SYNE1: variants seen among roughly 807,000 people sequenced by gnomAD.
SYNE1 encodes spectrin repeat containing nuclear envelope protein 1, also known as nesprin-1.
A neutral mutation model predicts 1,111.0 loss-of-function variants in SYNE1; 616 were observed. The ratio of observed to expected loss-of-function variants is 0.55; its 90% CI spans 0.52 to 0.59. The LOEUF (loss-of-function observed/expected upper bound fraction) is 0.59. SYNE1 is among the 20% of genes least tolerant of loss of function. The pLI is 0.00. For missense variants in SYNE1, 10,006 were observed against 10,417.0 expected (o/e 0.96, Z 1.72); for synonymous variants, 3,855 against 3,825.8 (o/e 1.01, Z -0.28).
intron 92 of SYNE1, 111 bp downstream of exon 92, chr6:152,301,758 A>G (rs2095178829): frequency 8.3e-7 from 1 of 1,204,062 alleles, no homozygotes; most frequent in Middle Eastern, 2.8e-4. Flanking sequence ...CTCCCTCTGA[A>G]TCTGCAAGAT....
At chr6:152,415,108 T>C (rs1465877422) in intron 41 of SYNE1, among the ~76,000 whole-genome samples, 2 of 152,168 alleles carry the variant, frequency 1.3e-5, no homozygotes, top group Non-Finnish European at 2.9e-5. Flanking sequence ...ATTTCAGCTG[T>C]TTCTTTGCCC....
rs1054820845 is a variant in SYNE1 at position 152,318,413 on chromosome 6, C to T, written c.16390-150G>A. The T allele has an allele frequency of 2.6e-5, 23 of 900,884 alleles. 1 individual carries two copies. Among genetic ancestry groups the T allele is most frequent in the African/African-American group, 2.0e-4 (12 of 60,230 alleles). 55.8% of individuals were successfully genotyped at this position (900,884 alleles called of 1,614,324 possible). A position where few individuals can be genotyped will look rare whatever the true frequency, so the allele number is the denominator to read the frequency against. ...TATGATCAGGTCATTTTTGTTTCTT[C>T]GGTTGGAAAGGCAGGGCAGGATATG... is the stretch of plus-strand genomic sequence containing the variant. On this transcript the variant is annotated intron_variant, in intron 85 of 145. Transcript: ENST00000367255.
intron 3 of SYNE1, among the ~76,000 whole-genome samples, chr6:152,544,758 A>G (rs1396462088): frequency 6.6e-6 from 1 of 152,190 alleles, no homozygotes; most frequent in East Asian, 1.9e-4. Context: ...GATGAGTTAT[A>G]CTAATAGTCA....
chr6:152,222,455 G>C (rs1263023079), intron 117 of SYNE1, among the ~76,000 whole-genome samples: 1 of 152,142 alleles, frequency 6.6e-6, no homozygotes, highest in Non-Finnish European at 1.5e-5. Context: ...CGAAGATGAA[G>C]ACTCTAAGAA....
intron 131 of SYNE1, among the ~76,000 whole-genome samples, chr6:152,162,431 T>C (rs1400364429): frequency 6.6e-6 from 1 of 152,230 alleles, no homozygotes; most frequent in Non-Finnish European, 1.5e-5. Flanking sequence ...GGTGGGGCTA[T>C]AAATACATAT....
chr6:152,170,184 G>T (rs1010613032), intron 130 of SYNE1, among the ~76,000 whole-genome samples: 4 of 151,840 alleles, frequency 2.6e-5, no homozygotes, highest in Non-Finnish European at 4.4e-5. Flanking sequence ...GTATTCCAAT[G>T]AACTAAATAT....
intron 127 of SYNE1, among the ~76,000 whole-genome samples, chr6:152,192,228 T>C (rs1012194833): frequency 4.6e-5 from 7 of 152,198 alleles, no homozygotes; most frequent in African/African-American, 1.7e-4. Context: ...TTGTAGCTGT[T>C]GGATGAATGT....
At chr6:152,629,119 C>G (rs1014188579) in intron 2 of SYNE1, among the ~76,000 whole-genome samples, 3 of 152,042 alleles carry the variant, frequency 2.0e-5, no homozygotes, top group African/African-American at 7.2e-5. Flanking sequence ...TTTTTCCTCC[C>G]TATGTATAAA....
chr6:152,328,472 C>T (rs2096147729), intron 78 of SYNE1, among the ~76,000 whole-genome samples: 1 of 151,576 alleles, frequency 6.6e-6, no homozygotes, highest in South Asian at 2.1e-4. Context: ...ATGTCATGAT[C>T]TCGGCTCACT....
At chr6:152,299,881 AT>A (rs2095082182) in intron 93 of SYNE1, among the ~76,000 whole-genome samples, 1 of 152,204 alleles carries the variant, frequency 6.6e-6, no homozygotes, top group Non-Finnish European at 1.5e-5. Context: ...AATAGTTTAC[AT>A]TTTTTAGTTG....
intron 76 of SYNE1, 170 bp downstream of exon 76, chr6:152,336,671 C>A: frequency 1.2e-6 from 1 of 853,756 alleles, no homozygotes; most frequent in Non-Finnish European, 1.9e-6. Flanking sequence ...AGGACATGGA[C>A]TTGTGCTTGT....
At chr6:152,384,217 A>G (rs1172771438) in intron 55 of SYNE1, among the ~76,000 whole-genome samples, 1 of 152,214 alleles carries the variant, frequency 6.6e-6, no homozygotes, top group African/African-American at 2.4e-5. Context: ...TAGAAAGCCA[A>G]TAGAAGGAGG....
At chr6:152,187,548 T>C (rs2070545688) in intron 128 of SYNE1, among the ~76,000 whole-genome samples, 1 of 152,138 alleles carries the variant, frequency 6.6e-6, no homozygotes. Flanking sequence ...TCCAGCCAGT[T>C]CCTCTGCTCC....
At chr6:152,479,918 T>A (rs1292030021) in intron 14 of SYNE1, among the ~76,000 whole-genome samples, 3 of 152,228 alleles carry the variant, frequency 2.0e-5, no homozygotes, top group East Asian at 3.8e-4. Context: ...CTTGCAAACG[T>A]TGCCTATGCA....
At chr6:152,179,549 A>G (rs1478183694) in intron 129 of SYNE1, 2 of 151,572 alleles carry the variant, frequency 1.3e-5, no homozygotes, top group Non-Finnish European at 2.9e-5. Flanking sequence ...CTGAACAGGT[A>G]ATTAAGACCC....
In SYNE1 at chr6:152,551,041, A is replaced by G. The variant is rs573590497; in HGVS notation, c.68-11020T>C. 7.9e-5 allele frequency among the ~76,000 whole-genome samples: 12 copies of G among 152,310 alleles called. No homozygotes were observed. In the South Asian group the frequency reaches 2.3e-3, roughly 29 times the overall value. ...CCTTTTAGTTCTAAATCAAGACCAC[A>G]TTTGAACAGTTTCAAGCAGAACTTT... is the stretch of plus-strand genomic sequence containing the variant. On this transcript the variant is annotated intron_variant, in intron 3 of 145. Coordinates refer to ENST00000367255, the MANE Select transcript of SYNE1 (RefSeq NM_182961.4).
intron 127 of SYNE1, among the ~76,000 whole-genome samples, chr6:152,191,326 C>G (rs2072287538): frequency 1.3e-5 from 2 of 151,180 alleles, no homozygotes; most frequent in Admixed American, 1.3e-4. Flanking sequence ...CCCTCCTCCT[C>G]TATTTTTCAG....
chr6:152,417,314 C>A (rs933182724), intron 40 of SYNE1, among the ~76,000 whole-genome samples: 10 of 152,124 alleles, frequency 6.6e-5, no homozygotes, highest in Non-Finnish European at 1.5e-5. Context: ...CTGGCTAACA[C>A]GGTGAAACCC....
chr6:152,240,808 G>C (rs1439967443), intron 107 of SYNE1, among the ~76,000 whole-genome samples: 1 of 152,194 alleles, frequency 6.6e-6, no homozygotes, highest in Non-Finnish European at 1.5e-5. Context: ...AGTCACGGCA[G>C]AGCTTGGGGT....
Sources: gnomAD v4.1 joint callset for allele counts (sites outside exome capture counted in the v4.1 genomes callset) on GRCh38, gnomAD v4.1.1 for gene constraint, MANE v1.5 for transcripts, NCBI Gene and HGNC (gene_info 2026-07-23, HGNC 2026-07-21) for gene names.